The following ACTR3C variants were observed in gnomAD, a reference collection of about 807,000 sequenced individuals.
ACTR3C encodes actin related protein 3C.
A neutral mutation model predicts 26.3 loss-of-function variants in ACTR3C; 18 were observed. That is an observed-to-expected ratio of 0.68 (90% CI 0.47 to 1.01). The LOEUF is 1.01. ACTR3C is among the 50% of genes least tolerant of loss of function. The probability of loss-of-function intolerance (pLI) is 0.00; values close to 1 mark genes in which losing one functional copy is unlikely to be tolerated. For synonymous variants in ACTR3C, 55 were observed against 94.5 expected, an observed-to-expected ratio of 0.58 and a Z score of 2.42; for missense variants, 184 against 250.7, an observed-to-expected ratio of 0.73 and a Z score of 1.80.
chr7:150,153,666 G>A, the ACTR3C span, among the ~76,000 whole-genome samples: 3 of 84,926 alleles, frequency 3.5e-5, no homozygotes, highest in African/African-American at 5.8e-5. Context: ...TCAGTGTGGC[G>A]ATTCCTCAGG....
chr7:150,227,688 G>GTGTTTTTTTT, the ACTR3C span, among the ~76,000 whole-genome samples: 37 of 111,376 alleles, frequency 3.3e-4, no homozygotes, highest in Middle Eastern at 5.1e-3. Flanking sequence ...TTGTGTCTGG[G>GTGTTTTTTTT]TTTTTTTTTT....
chr7:149,904,539 ACAACAAC>A, the ACTR3C span, among the ~76,000 whole-genome samples: 305 of 92,070 alleles, frequency 3.3e-3, 18 homozygotes, highest in Middle Eastern at 6.5e-3. Context: ...TCAAAAAACA[ACAACAAC>A]AACAAAAAAA....
chr7:149,950,010 C>T, the ACTR3C span, among the ~76,000 whole-genome samples: 921 of 141,562 alleles, frequency 6.5e-3, 34 homozygotes, highest in African/African-American at 0.026. Flanking sequence ...AGTGCACCCA[C>T]GGGAGCAGGG....
At chr7:149,929,369 A>C in the ACTR3C span, among the ~76,000 whole-genome samples, 2 of 135,812 alleles carry the variant, frequency 1.5e-5, no homozygotes, top group Non-Finnish European at 3.1e-5. Flanking sequence ...CAGAGGTTGC[A>C]CTGAGCAGAG....
At chr7:150,298,696 CT>C (rs1398940339) in intron 1 of ACTR3C, among the ~76,000 whole-genome samples, 1 of 145,958 alleles carries the variant, frequency 6.9e-6, no homozygotes, top group East Asian at 1.9e-4. Context: ...TACTAAAAGT[CT>C]CTCAGTTAAA....
At chr7:149,954,400 A>C in the ACTR3C span, among the ~76,000 whole-genome samples, 1 of 152,276 alleles carries the variant, frequency 6.6e-6, no homozygotes, top group Admixed American at 6.5e-5. Context: ...CCCCCAACCT[A>C]ACAAAAAAGT....
the ACTR3C span, among the ~76,000 whole-genome samples, chr7:150,068,782 CAAAAAA>C: frequency 1.3e-5 from 1 of 76,758 alleles, no homozygotes; most frequent in Admixed American, 1.6e-4. Context: ...GACTCCGTCC[CAAAAAA>C]AAAAAAAAAA....
the ACTR3C span, among the ~76,000 whole-genome samples, chr7:150,192,391 T>C: frequency 1.3e-5 from 2 of 152,278 alleles, no homozygotes; most frequent in African/African-American, 4.8e-5. Context: ...CTTGAACTCC[T>C]GGGCTCAAGA....
the ACTR3C span, among the ~76,000 whole-genome samples, chr7:149,889,763 C>T: frequency 5.5e-3 from 833 of 152,210 alleles, 6 homozygotes; most frequent in Non-Finnish European, 7.1e-3. Flanking sequence ...GAGGTTGAAG[C>T]GGGAGGATCA....
chr7:150,080,038 G>A, the ACTR3C span, among the ~76,000 whole-genome samples: 1 of 152,176 alleles, frequency 6.6e-6, no homozygotes, highest in African/African-American at 2.4e-5. Flanking sequence ...AGTCAGCACG[G>A]CAAGAATGCT....
At chr7:150,316,533 G>A (rs1255978967) in intron 1 of ACTR3C, among the ~76,000 whole-genome samples, 4 of 148,780 alleles carry the variant, frequency 2.7e-5, no homozygotes, top group Admixed American at 6.7e-5. Flanking sequence ...GTTGCCAGGC[G>A]GGAGTGCAGT....
the ACTR3C span, among the ~76,000 whole-genome samples, chr7:149,982,989 T>TCA: frequency 6.6e-6 from 1 of 152,172 alleles, no homozygotes; most frequent in Non-Finnish European, 1.5e-5. Flanking sequence ...GTTTAACTTT[T>TCA]CACCATTATA....
the ACTR3C span, among the ~76,000 whole-genome samples, chr7:149,896,360 C>T: frequency 1.3e-5 from 2 of 152,116 alleles, no homozygotes; most frequent in African/African-American, 4.8e-5. Flanking sequence ...TTATTATTAA[C>T]CCTCAGTGCT....
At chr7:150,067,820 G>A in the ACTR3C span, among the ~76,000 whole-genome samples, 75 of 142,742 alleles carry the variant, frequency 5.3e-4, no homozygotes, top group African/African-American at 1.8e-3. Flanking sequence ...GGATGGGGTC[G>A]GGGGGAGGGT....
At chr7:150,065,810 C>CTGGTTGGATGACTA in the ACTR3C span, among the ~76,000 whole-genome samples, 2 of 150,280 alleles carry the variant, frequency 1.3e-5, no homozygotes, top group Non-Finnish European at 3.0e-5. Flanking sequence ...TAAAACTGGC[C>CTGGTTGGATGACTA]AAACAAATTA....
the ACTR3C span, among the ~76,000 whole-genome samples, chr7:150,069,065 T>G: frequency 6.6e-6 from 1 of 152,146 alleles, no homozygotes; most frequent in Non-Finnish European, 1.5e-5. Context: ...GCTTATCAAA[T>G]AGGGGTATGC....
chr7:150,169,014 T>A, the ACTR3C span, among the ~76,000 whole-genome samples: 86,098 of 150,156 alleles, frequency 0.57, 26,861 homozygotes, highest in East Asian at 0.81. Context: ...GGGAAGTGGG[T>A]CCTTTGGGAA....
At chr7:149,987,619 G>A in the ACTR3C span, among the ~76,000 whole-genome samples, 61 of 138,530 alleles carry the variant, frequency 4.4e-4, no homozygotes, top group African/African-American at 1.5e-3. Flanking sequence ...GCATACTAGA[G>A]TATAATTTTC....
At chr7:150,037,028 G>T in the ACTR3C span, among the ~76,000 whole-genome samples, 17 of 107,384 alleles carry the variant, frequency 1.6e-4, 1 homozygote, top group Non-Finnish European at 3.5e-4. Flanking sequence ...AACAGCCAGG[G>T]GCGGAAGAGG....
Sources: gnomAD v4.1 joint callset for allele counts (sites outside exome capture counted in the v4.1 genomes callset) on GRCh38, gnomAD v4.1.1 for gene constraint, MANE v1.5 for transcripts, NCBI Gene and HGNC (gene_info 2026-07-23, HGNC 2026-07-21) for gene names.